HIBADH: variants seen among roughly 807,000 people sequenced by gnomAD.
The protein encoded by HIBADH is 3-hydroxyisobutyrate dehydrogenase, mitochondrial.
A neutral mutation model predicts 36.1 loss-of-function variants in HIBADH; 25 were observed. That is an observed-to-expected ratio of 0.69 (90% CI 0.50 to 0.97). The LOEUF (loss-of-function observed/expected upper bound fraction) is 0.97. Ranked by LOEUF, HIBADH falls within the 50% of genes least tolerant of loss-of-function variation. The pLI, the probability that HIBADH is intolerant of heterozygous loss-of-function variation, is 0.00. For missense variants in HIBADH, 421 were observed against 418.0 expected, an observed-to-expected ratio of 1.01 and a Z score of -0.06; for synonymous variants, 160 against 149.5, an observed-to-expected ratio of 1.07 and a Z score of -0.51.
chr7:27,642,650 T>G (rs1261581713), intron 2 of HIBADH, among the ~76,000 whole-genome samples: 3 of 53,156 alleles, frequency 5.6e-5, no homozygotes, highest in African/African-American at 2.6e-4. Context: ...TAGTTTTTTT[T>G]TTTTTTTTTT....
chr7:27,623,478 T>C (rs758582643), intron 4 of HIBADH, among the ~76,000 whole-genome samples: 1 of 152,152 alleles, frequency 6.6e-6, no homozygotes, highest in Non-Finnish European at 1.5e-5. Context: ...TTTTTGCTGA[T>C]GATATGATCT....
chr7:27,536,953 A>ACCAAT (rs1784078864), intron 6 of HIBADH, among the ~76,000 whole-genome samples: 1 of 152,204 alleles, frequency 6.6e-6, no homozygotes, highest in Non-Finnish European at 1.5e-5. Flanking sequence ...ACATATGCAT[A>ACCAAT]CCAATCCTGG....
chr7:27,636,685 G>A (rs899059806), intron 2 of HIBADH, among the ~76,000 whole-genome samples: 1 of 152,226 alleles, frequency 6.6e-6, no homozygotes, highest in Admixed American at 6.5e-5. Flanking sequence ...CACAGAAGTG[G>A]TGCATACATC....
intron 6 of HIBADH, among the ~76,000 whole-genome samples, chr7:27,535,323 C>T (rs1042798960): frequency 6.6e-6 from 1 of 152,034 alleles, no homozygotes; most frequent in Non-Finnish European, 1.5e-5. Flanking sequence ...CCAGTCATCA[C>T]ATAAATGCAA....
intron 1 of HIBADH, among the ~76,000 whole-genome samples, chr7:27,659,701 A>AAG (rs377478375): frequency 4.8e-4 from 73 of 151,308 alleles, no homozygotes; most frequent in South Asian, 1.3e-3. Flanking sequence ...CAGCCTGGAC[A>AAG]AGAGAGAGAG....
intron 6 of HIBADH, among the ~76,000 whole-genome samples, 186 bp from the exon 7 acceptor site, chr7:27,531,534 A>G (rs942939587): frequency 6.6e-6 from 1 of 152,220 alleles, no homozygotes; most frequent in African/African-American, 2.4e-5. Context: ...TACTGGTTAA[A>G]TAAGAATATT....
chr7:27,618,060 C>T (rs1274220567), intron 4 of HIBADH, among the ~76,000 whole-genome samples: 1 of 152,134 alleles, frequency 6.6e-6, no homozygotes, highest in African/African-American at 2.4e-5. Context: ...CCAAGCCCAG[C>T]AATTCACAAA....
At chr7:27,556,895 T>C (rs755954437) in intron 4 of HIBADH, among the ~76,000 whole-genome samples, 18 of 152,140 alleles carry the variant, frequency 1.2e-4, no homozygotes, top group African/African-American at 4.3e-4. Context: ...GGCAGGAGGA[T>C]AGAGGATAAA....
At chr7:27,551,570 G>C (rs922000479) in intron 4 of HIBADH, among the ~76,000 whole-genome samples, 3 of 152,088 alleles carry the variant, frequency 2.0e-5, no homozygotes, top group Non-Finnish European at 4.4e-5. Context: ...AAAGAATTAT[G>C]ATAGATAAAC....
chr7:27,563,672 A>G (rs957151101), intron 4 of HIBADH, among the ~76,000 whole-genome samples: 1 of 152,140 alleles, frequency 6.6e-6, no homozygotes, highest in Non-Finnish European at 1.5e-5. Flanking sequence ...GCATCTTTTC[A>G]TGTGCTTATT....
intron 3 of HIBADH, 129 bp from the exon 4 acceptor site, chr7:27,629,621 CATT>C (rs1785712130): frequency 3.7e-6 from 2 of 538,780 alleles, no homozygotes; most frequent in Non-Finnish European, 6.0e-6. Flanking sequence ...GTATTAAAAA[CATT>C]ATTAATTAGA....
rs761861649 is a variant in HIBADH, at chr7:27,531,231, A to T, written c.813T>A (p.Asn271Lys). ...TTGTTCCAAATCCACCCTGATAGTTATTAGCCGAGGGAACGCCATCCATCA... is the reference window on the plus strand; with the variant it reads ...TTGTTCCAAATCCACCCTGATAGTTTTTAGCCGAGGGAACGCCATCCATCA... ...PGVMDGVPSA[N>K]NYQGGFGTTL... The change falls in exon 7 of 8, where the codon AAT (asparagine) becomes AAA (lysine). Residue 271 changes from asparagine to lysine, a missense_variant. Coordinates refer to ENST00000265395, the MANE Select transcript of HIBADH (RefSeq NM_152740.4). 6.2e-7 allele frequency: 1 copy of T among 1,613,870 alleles called. No individual in the cohort carries two copies. Among genetic ancestry groups the T allele is most frequent in the Non-Finnish European group, 8.5e-7 (1 of 1,179,922 alleles).
intron 2 of HIBADH, among the ~76,000 whole-genome samples, chr7:27,641,101 A>G (rs1785952200): frequency 6.6e-6 from 1 of 152,230 alleles, no homozygotes; most frequent in Non-Finnish European, 1.5e-5. Context: ...CAAAGAGAAA[A>G]GAAAAGAATC....
At chr7:27,527,130 C>T (rs960823576) in intron 7 of HIBADH, among the ~76,000 whole-genome samples, 62 of 151,824 alleles carry the variant, frequency 4.1e-4, no homozygotes, top group Admixed American at 4.1e-3. Flanking sequence ...GTGAGTTCAG[C>T]ACGATGAAAG....
chr7:27,606,021 T>C (rs755481236), intron 4 of HIBADH, among the ~76,000 whole-genome samples: 2 of 152,186 alleles, frequency 1.3e-5, no homozygotes, highest in Non-Finnish European at 2.9e-5. Context: ...ATGATCATTT[T>C]CATTTCAAAA....
intron 1 of HIBADH, among the ~76,000 whole-genome samples, chr7:27,653,141 A>G (rs999120954): frequency 6.6e-6 from 1 of 152,080 alleles, no homozygotes; most frequent in African/African-American, 2.4e-5. Flanking sequence ...AAAAGAAAAA[A>G]AAAGGAATTC....
intron 1 of HIBADH, among the ~76,000 whole-genome samples, chr7:27,661,028 A>G (rs909995740): frequency 6.6e-6 from 1 of 152,234 alleles, no homozygotes; most frequent in African/African-American, 2.4e-5. Context: ...AAGAATTGTG[A>G]ATTCATGTGA....
chr7:27,527,318 T>G (rs1355851335), intron 7 of HIBADH, among the ~76,000 whole-genome samples: 2 of 152,196 alleles, frequency 1.3e-5, no homozygotes, highest in Admixed American at 1.3e-4. Flanking sequence ...AAGCTCACTC[T>G]TGCTTTGATA....
chr7:27,533,587 T>C (rs1043833259), intron 6 of HIBADH, among the ~76,000 whole-genome samples: 2 of 152,140 alleles, frequency 1.3e-5, no homozygotes, highest in Admixed American at 6.6e-5. Context: ...CAGTTAAAAT[T>C]AGACATGATA....
Sources: allele counts gnomAD v4.1 joint callset (sites outside exome capture counted in the v4.1 genomes callset), GRCh38; gene constraint gnomAD v4.1.1; transcripts MANE v1.5; gene names NCBI Gene and HGNC (gene_info 2026-07-23, HGNC 2026-07-21).